The following FREM2 variants were observed in gnomAD, a reference collection of about 807,000 sequenced individuals.
FREM2 encodes FRAS1-related extracellular matrix protein 2.
FREM2 carries 119 observed loss-of-function variants against 219.9 expected under a neutral mutation model. The ratio of observed to expected loss-of-function variants is 0.54; its 90% CI spans 0.47 to 0.63. The LOEUF (loss-of-function observed/expected upper bound fraction) is 0.63. Among genes scored for constraint, FREM2 ranks in the 30% least tolerant of loss-of-function variants. The probability of loss-of-function intolerance (pLI) is 0.00; values close to 1 mark genes in which losing one functional copy is unlikely to be tolerated. For missense variants in FREM2, 4,030 were observed against 3,993.6 expected (o/e 1.01, Z -0.25); for synonymous variants, 1,562 against 1,522.8 (o/e 1.03, Z -0.60).
chr13:38,827,444 G>T (rs1876335681), intron 6 of FREM2: 1 of 152,022 alleles, frequency 6.6e-6, no homozygotes, highest in South Asian at 2.1e-4. Context: ...GATTACTTTT[G>T]AATAGAAACT....
At position 38,691,131 on chromosome 13, in the gene FREM2, A is replaced by G. The variant is rs1566105345; in HGVS notation, c.3787A>G (p.Ile1263Val). Reference sequence around the variant, plus strand: ...GGATCAGATCATAGAGAGTTCCAGCATTATTTATGAGCATGATGACTCCGA... The same window carrying G: ...GGATCAGATCATAGAGAGTTCCAGCGTTATTTATGAGCATGATGACTCCGA... ...TLDQIIESSSIIYEHDDSETQ... is the reference protein window; with the variant it reads ...TLDQIIESSSVIYEHDDSETQ... The change falls in exon 1 of 24, where the codon ATT becomes GTT. Residue 1263 changes from isoleucine (I) to valine (V), a missense_variant. By Grantham distance (29) the Ile-to-Val change is conservative. Around this residue, in one of 2 missense-constraint regions of FREM2, gnomAD observed 3,102 missense variants for 2,950.7 expected, o/e 1.05. Transcript: ENST00000280481. 1 of 1,614,096 alleles carries G rather than the reference A, an allele frequency of 6.2e-7. No individual in the cohort carries two copies.
rs373084826 is a variant in FREM2 at position 38,840,731 on chromosome 13, T to TAC, written c.6020-5828_6020-5827dup. Among the ~76,000 whole-genome samples, 21 of 150,054 alleles carry TAC rather than the reference T, an allele frequency of 1.4e-4. 1 individual carries two copies. Among genetic ancestry groups the TAC allele is most frequent in the South Asian group, 6.3e-4 (3 of 4,754 alleles). On this transcript the variant is annotated intron_variant, in intron 6 of 23. Coordinates refer to ENST00000280481, the MANE Select transcript of FREM2 (RefSeq NM_207361.6). ...ACACACACACACAGATATATATATA[T>TAC]ACACACACACACACATACATATATG...
intron 6 of FREM2, among the ~76,000 whole-genome samples, chr13:38,800,932 T>A (rs1874984188): frequency 1.3e-5 from 2 of 152,326 alleles, no homozygotes; most frequent in Non-Finnish European, 2.9e-5. Context: ...ACCCAGCAAT[T>A]AAGTTGGTTT....
chr13:38,687,101 G>A lies in FREM2; in HGVS notation c.-244G>A, dbSNP rs886050182. 1 of 588,880 alleles carries A rather than the reference G, an allele frequency of 1.7e-6. No homozygotes were observed. The highest frequency in any genetic ancestry group is 3.0e-6 in the Non-Finnish European group (1 of 331,830). 36.5% of individuals were successfully genotyped at this position (588,880 alleles called of 1,614,324 possible). A position where few individuals can be genotyped will look rare whatever the true frequency, so the allele number is the denominator to read the frequency against. ...TAGAAGTGGAGGGATTCAATTCTCCGCGCGATTGAGGCGCTAGCGGCGGAG... is the reference window on the plus strand; with the variant it reads ...TAGAAGTGGAGGGATTCAATTCTCCACGCGATTGAGGCGCTAGCGGCGGAG... On this transcript the variant is annotated 5_prime_UTR_variant, in exon 1 of 24. Coordinates refer to ENST00000280481, the MANE Select transcript of FREM2 (RefSeq NM_207361.6).
chr13:38,784,659 G>T lies in FREM2; in HGVS notation c.5870G>T (p.Arg1957Leu). The T allele has an allele frequency of 1.2e-6, 2 of 1,614,132 alleles. No individual in the cohort carries two copies. The highest frequency in any genetic ancestry group is 1.7e-6 in the Non-Finnish European group (2 of 1,180,010). ...GTTGTCCGCTTTGACAAAGATGAACGGGAGAAACTGTGTCGGATAGTCATA... is the reference window on the plus strand; with the variant it reads ...GTTGTCCGCTTTGACAAAGATGAACTGGAGAAACTGTGTCGGATAGTCATA... ...TSVVRFDKDE[R>L]EKLCRIVIID... Residue 1957 changes from arginine (R) to leucine (L), a missense_variant, in exon 6 of 24, where the codon CGG (arginine) becomes CTG (leucine). Arg to Leu is a moderately radical substitution (Grantham distance 102). Coordinates refer to ENST00000280481, the MANE Select transcript of FREM2 (RefSeq NM_207361.6).
chr13:38,787,709 A>G (rs955071959), intron 6 of FREM2, among the ~76,000 whole-genome samples: 1 of 150,328 alleles, frequency 6.7e-6, no homozygotes, highest in Non-Finnish European at 1.5e-5. Flanking sequence ...TTATTTATTA[A>G]TGTTATTTAT....
At chr13:38,754,889 G>GATTATTATTATTATT (rs1437549301) in intron 2 of FREM2, among the ~76,000 whole-genome samples, 9 of 82,276 alleles carry the variant, frequency 1.1e-4, no homozygotes, top group South Asian at 4.4e-4. Context: ...TGATGATGAT[G>GATTATTATTATTATT]ATGATGATGA....
chr13:38,820,342 C>A (rs974107569), intron 6 of FREM2, among the ~76,000 whole-genome samples: 8 of 152,066 alleles, frequency 5.3e-5, no homozygotes, highest in Non-Finnish European at 1.0e-4. Context: ...CTCTTCCAAA[C>A]AGAAAAGTGA....
chr13:38,822,116 T>G (rs545019118), intron 6 of FREM2: 1 of 152,070 alleles, frequency 6.6e-6, no homozygotes, highest in Non-Finnish European at 1.5e-5. Flanking sequence ...TGAAAAGAAA[T>G]AAAACAGCTG....
chr13:38,746,950 C>T lies in FREM2; in HGVS notation c.5264-17354C>T, dbSNP rs368913077. On this transcript the variant is annotated intron_variant, in intron 2 of 23. Coordinates refer to ENST00000280481, the MANE Select transcript of FREM2 (RefSeq NM_207361.6). ...AGAAACCAGTGCAGAGTTCCAAACACCGGCCAGGTTGGAGCTTCCAAAGCC... is the reference window on the plus strand; with the variant it reads ...AGAAACCAGTGCAGAGTTCCAAACATCGGCCAGGTTGGAGCTTCCAAAGCC... Among the ~76,000 whole-genome samples, 20 of 152,304 alleles carry T rather than the reference C, an allele frequency of 1.3e-4. No homozygotes were observed. In the East Asian group the frequency reaches 1.4e-3, roughly 10 times the overall value.
intron 2 of FREM2, among the ~76,000 whole-genome samples, chr13:38,762,564 C>T (rs113526424): frequency 0.022 from 3,277 of 152,038 alleles, 145 homozygotes; most frequent in African/African-American, 0.075. Flanking sequence ...CTCAGCCTCC[C>T]GAGTAGCTGG....
At chr13:38,805,190 G>A (rs1467706904) in intron 6 of FREM2, among the ~76,000 whole-genome samples, 1 of 150,528 alleles carries the variant, frequency 6.6e-6, no homozygotes, top group Admixed American at 6.6e-5. Flanking sequence ...TAAATAATCA[G>A]AGCAGTGTTT....
At chr13:38,738,519 T>TCATG (rs1872091342) in intron 2 of FREM2, among the ~76,000 whole-genome samples, 1 of 122,238 alleles carries the variant, frequency 8.2e-6, no homozygotes, top group Admixed American at 1.2e-4. Context: ...TGAGCTGAGA[T>TCATG]CATGCCACTG....
At chr13:38,747,021 C>A (rs551260152) in intron 2 of FREM2, among the ~76,000 whole-genome samples, 2 of 152,250 alleles carry the variant, frequency 1.3e-5, no homozygotes, top group South Asian at 4.1e-4. Flanking sequence ...CTGGGCAGGT[C>A]AGCCCAGTTT....
rs924908490 is a variant in FREM2, at chr13:38,687,830, G to A, written c.486G>A (p.Gly162=). Residue 162 remains glycine, a synonymous_variant, in exon 1 of 24, where the codon GGG becomes GGA. Coordinates refer to ENST00000280481, the MANE Select transcript of FREM2 (RefSeq NM_207361.6). The stretch of plus-strand genomic sequence containing the variant: ...AGCTGCGCTATGACGCGCCCGGAGG[G>A]GCAGTAGTGCTACCACTGGTACTGG... ...RLQLRYDAPG[G]AVVLPLVLEV... 5.2e-6 allele frequency: 8 copies of A among 1,551,960 alleles called. No individual in the cohort carries two copies. Among genetic ancestry groups the A allele is most frequent in the African/African-American group, 4.1e-5 (3 of 73,928 alleles).
intron 6 of FREM2, among the ~76,000 whole-genome samples, chr13:38,793,351 T>C (rs1323884045): frequency 2.0e-5 from 3 of 152,226 alleles, no homozygotes; most frequent in Non-Finnish European, 4.4e-5. Flanking sequence ...TGTTATTTTC[T>C]AGCTGAACTT....
chr13:38,836,965 A>AT, intron 6 of FREM2, among the ~76,000 whole-genome samples: 1 of 151,708 alleles, frequency 6.6e-6, no homozygotes, highest in South Asian at 2.1e-4. Flanking sequence ...GATCTTAGTT[A>AT]TTTTTTGTCT....
Position 38,886,975 on chromosome 13 carries a change from A to G in FREM2, c.*6188A>G, listed in dbSNP as rs570660273. The G allele has an allele frequency of 6.6e-6, 1 of 152,314 alleles. No individual in the cohort carries two copies. The highest frequency in any genetic ancestry group is 2.1e-4 in the South Asian group (1 of 4,824). 9.4% of individuals were successfully genotyped at this position (152,314 alleles called of 1,614,324 possible). A position where few individuals can be genotyped will look rare whatever the true frequency, so the allele number is the denominator to read the frequency against. ...TACATATTGGTGGATATTGACGTTT[A>G]TTCCTGGGAATCTAATTTTGCAAAC... On this transcript the variant is annotated 3_prime_UTR_variant, in exon 24 of 24. Coordinates refer to ENST00000280481, the MANE Select transcript of FREM2 (RefSeq NM_207361.6).
chr13:38,846,656 A>C lies in FREM2; in HGVS notation c.6103A>C (p.Thr2035Pro), dbSNP rs1351134241. 12 of 1,613,710 alleles carry C rather than the reference A, an allele frequency of 7.4e-6. No individual in the cohort carries two copies. Among genetic ancestry groups the C allele is most frequent in the African/African-American group, 1.3e-5 (1 of 74,890 alleles). Residue 2035 changes from threonine (T) to proline (P), a missense_variant, in exon 7 of 24, where the codon ACT becomes CCT. Physicochemically the swap from Thr to Pro is conservative, Grantham distance 38 (BLOSUM62 -1). This residue lies in a region of FREM2 where 3,102 missense variants were observed against 2,950.7 expected (regional missense o/e 1.05). Coordinates refer to ENST00000280481, the MANE Select transcript of FREM2 (RefSeq NM_207361.6). Reference sequence around the variant, plus strand: ...GGAAGTGCAGGTGTGGAGAACGGGCACTGACCTGTCCAAGTCTTCTAGTGT... The same window carrying C: ...GGAAGTGCAGGTGTGGAGAACGGGCCCTGACCTGTCCAAGTCTTCTAGTGT... Reference protein sequence around the residue: ...YVEVQVWRTGTDLSKSSSVTV... With the variant: ...YVEVQVWRTGPDLSKSSSVTV...
Sources: gnomAD v4.1 joint callset for allele counts (sites outside exome capture counted in the v4.1 genomes callset) on GRCh38, gnomAD v4.1.1 for gene constraint, gnomAD v4.1.1 regional missense constraint, MANE v1.5 for transcripts, NCBI Gene and HGNC (gene_info 2026-07-23, HGNC 2026-07-21) for gene names.